The following PRRC1 variants were observed in gnomAD, a reference collection of about 807,000 sequenced individuals.
The protein encoded by PRRC1 is proline rich coiled-coil 1.
PRRC1 carries 39 observed loss-of-function variants against 40.7 expected under a neutral mutation model. The observed-to-expected ratio is 0.96, with a 90% CI of 0.74 to 1.25. The LOEUF (loss-of-function observed/expected upper bound fraction) is 1.25. Among genes scored for constraint, PRRC1 ranks in the 50% most tolerant of loss-of-function variants. The pLI is 0.00. For synonymous variants in PRRC1, 175 were observed against 193.3 expected, an observed-to-expected ratio of 0.91 and a Z score of 0.79; for missense variants, 573 against 548.3, an observed-to-expected ratio of 1.05 and a Z score of -0.45.
intron 7 of PRRC1, among the ~76,000 whole-genome samples, chr5:127,545,585 A>G (rs1253026357): frequency 4.2e-5 from 6 of 142,400 alleles, no homozygotes; most frequent in Admixed American, 2.2e-4. Flanking sequence ...GAATTGAACA[A>G]TGAGAACACA....
intron 6 of PRRC1, among the ~76,000 whole-genome samples, chr5:127,535,940 A>G (rs1385069780): frequency 6.6e-6 from 1 of 152,176 alleles, no homozygotes; most frequent in Non-Finnish European, 1.5e-5. Context: ...TAAATAGAAT[A>G]TGAAGCCCTT....
rs1464931680 is a variant in PRRC1, at chr5:127,553,275, A to G, written c.*1359A>G. On this transcript the variant is annotated 3_prime_UTR_variant, in exon 9 of 9. Transcript: ENST00000296666. ...TGTGTTAATGCCACTTCAAGTCATTATTTGGTTTCTGCTATTTTTTTACCT... is the reference window on the plus strand; with the variant it reads ...TGTGTTAATGCCACTTCAAGTCATTGTTTGGTTTCTGCTATTTTTTTACCT... 1.0e-6 allele frequency: 1 copy of G among 986,972 alleles called. No homozygotes were observed. The highest frequency in any genetic ancestry group is 1.7e-5 in the African/African-American group (1 of 57,236). The allele number at this position is 986,972 out of a possible 1,614,324, so 61.1% of individuals were successfully genotyped here.
intron 8 of PRRC1, chr5:127,548,280 T>TA (rs1768280727): frequency 9.1e-6 from 4 of 439,050 alleles, no homozygotes; most frequent in Non-Finnish European, 1.6e-5. Flanking sequence ...TTTCCACTGT[T>TA]ATCTCCATTT....
chr5:127,523,743 G>T, intron 2 of PRRC1, 161 bp downstream of exon 2: 1 of 441,508 alleles, frequency 2.3e-6, no homozygotes, highest in Non-Finnish European at 4.0e-6. Context: ...TAGAAAGAAA[G>T]TCTTGTGTAT....
Position 127,553,934 on chromosome 5 carries a change from C to T in PRRC1, c.*2018C>T, listed in dbSNP as rs1768458914. 6.5e-7 allele frequency: 1 copy of T among 1,533,102 alleles called. No individual in the cohort carries two copies. Among genetic ancestry groups the T allele is most frequent in the African/African-American group, 1.4e-5 (1 of 72,878 alleles). 95.0% of individuals were successfully genotyped at this position (1,533,102 alleles called of 1,614,324 possible). On this transcript the variant is annotated 3_prime_UTR_variant, in exon 9 of 9. Transcript: ENST00000296666. ...GTGGGTGAGGAAGATGAGAGATGGT[C>T]AGATGGAAGAGAGAAATACATGAAC...
intron 1 of PRRC1, among the ~76,000 whole-genome samples, chr5:127,522,861 C>T (rs893520174): frequency 1.2e-3 from 186 of 152,198 alleles, no homozygotes; most frequent in African/African-American, 4.0e-3. Context: ...ACCTTGAACT[C>T]CTGGGTTCAA....
At chr5:127,549,396 A>G (rs532830215) in intron 8 of PRRC1, 72 of 152,342 alleles carry the variant, frequency 4.7e-4, no homozygotes, top group African/African-American at 1.7e-3. Flanking sequence ...TATCCTGACC[A>G]TGAAAAATTT....
At chr5:127,542,419 T>C (rs1249774391) in intron 7 of PRRC1, among the ~76,000 whole-genome samples, 1 of 152,160 alleles carries the variant, frequency 6.6e-6, no homozygotes, top group Non-Finnish European at 1.5e-5. Flanking sequence ...GTTCAATTTC[T>C]GGGTATCCTT....
chr5:127,527,482 G>A (rs893021354), intron 4 of PRRC1, among the ~76,000 whole-genome samples: 3 of 152,004 alleles, frequency 2.0e-5, no homozygotes, highest in African/African-American at 7.3e-5. Context: ...GTCTGGCATG[G>A]TGCCTCATGC....
rs751936808 is a variant in PRRC1, at chr5:127,530,380, CA to C, written c.742del (p.Met248TrpfsTer14). ...ESMITTLDPG[M>X]APYIKSGGEL... ...GCATGATTACAACGCTGGACCCTGGCATGGCTCCCTATATCAGTATGTACAT... is the reference window on the plus strand; with the variant it reads ...GCATGATTACAACGCTGGACCCTGGCTGGCTCCCTATATCAGTATGTACAT... On this transcript the variant is annotated frameshift_variant, in exon 5 of 9. Coordinates refer to ENST00000296666, the MANE Select transcript of PRRC1 (RefSeq NM_130809.5). LOFTEE classifies it high-confidence loss of function. 7.4e-6 allele frequency: 12 copies of C among 1,613,410 alleles called. No individual in the cohort carries two copies. The highest frequency in any genetic ancestry group is 8.5e-6 in the Non-Finnish European group (10 of 1,179,538).
At chr5:127,530,252 T>C (rs773055946) in intron 4 of PRRC1, 42 bp from the exon 5 acceptor site, 2 of 1,544,238 alleles carry the variant, frequency 1.3e-6, no homozygotes, top group Non-Finnish European at 1.8e-6. Context: ...ATGGTGTTCC[T>C]CACTTAGAGT....
intron 1 of PRRC1, 63 bp from the exon 2 acceptor site, chr5:127,523,397 C>A: frequency 1.4e-6 from 1 of 709,220 alleles, no homozygotes; most frequent in South Asian, 3.0e-5. Flanking sequence ...GTTCTCTATT[C>A]AAGCTTTAAA....
intron 1 of PRRC1, among the ~76,000 whole-genome samples, chr5:127,518,903 T>A (rs1767386808): frequency 6.6e-6 from 1 of 152,202 alleles, no homozygotes; most frequent in African/African-American, 2.4e-5. Flanking sequence ...AGTTACCAAC[T>A]CTGACACTTC....
chr5:127,535,774 A>G (rs1767884935), intron 6 of PRRC1, among the ~76,000 whole-genome samples: 1 of 152,146 alleles, frequency 6.6e-6, no homozygotes, highest in South Asian at 2.1e-4. Flanking sequence ...GAATGAGGTA[A>G]TTGACATAGC....
At position 127,554,544 on chromosome 5, in the gene PRRC1, A is replaced by G. The variant is rs1768478239; in HGVS notation, c.*2628A>G. 1 of 152,200 alleles carries G rather than the reference A, an allele frequency of 6.6e-6. No individual in the cohort carries two copies. Among genetic ancestry groups the G allele is most frequent in the South Asian group, 2.1e-4 (1 of 4,832 alleles). The allele number at this position is 152,200 out of a possible 1,614,324, so 9.4% of individuals were successfully genotyped here. On this transcript the variant is annotated 3_prime_UTR_variant, in exon 9 of 9. Transcript: ENST00000296666. ...GTTGACAAGGTGCTCAGATTATTCA[A>G]TTCGGGATCCTCCTTTTGTTAGGTT...
intron 6 of PRRC1, among the ~76,000 whole-genome samples, chr5:127,534,677 T>A (rs1263556634): frequency 6.6e-6 from 1 of 152,230 alleles, no homozygotes; most frequent in Non-Finnish European, 1.5e-5. Flanking sequence ...CACCTTCTCA[T>A]CAATTCACTC....
intron 7 of PRRC1, among the ~76,000 whole-genome samples, 155 bp downstream of exon 7, chr5:127,539,298 G>A (rs1269577703): frequency 6.6e-6 from 1 of 152,048 alleles, no homozygotes; most frequent in African/African-American, 2.4e-5. Context: ...GTCCTGCATG[G>A]CTTAGCTGGC....
Position 127,554,372 on chromosome 5 carries a change from ATT to A in PRRC1, c.*2465_*2466del. The A allele has an allele frequency of 6.7e-6, 1 of 148,840 alleles. No individual in the cohort carries two copies. Among genetic ancestry groups the A allele is most frequent in the Non-Finnish European group, 1.5e-5 (1 of 67,070 alleles). The allele number at this position is 148,840 out of a possible 1,614,324, so 9.2% of individuals were successfully genotyped here. On this transcript the variant is annotated 3_prime_UTR_variant, in exon 9 of 9. Coordinates refer to ENST00000296666, the MANE Select transcript of PRRC1 (RefSeq NM_130809.5). ...TCACCACTGTTGGGGTTGTTTTGTG[ATT>A]TTTTTTTTCTTCCGAAGAACTCCTG...
chr5:127,519,382 G>A (rs1022796803), intron 1 of PRRC1, among the ~76,000 whole-genome samples: 5 of 152,288 alleles, frequency 3.3e-5, no homozygotes, highest in Middle Eastern at 3.4e-3. Context: ...AGTGTCATGC[G>A]TGTTAGTCTC....
Sources: allele counts gnomAD v4.1 joint callset (sites outside exome capture counted in the v4.1 genomes callset), GRCh38; gene constraint gnomAD v4.1.1; transcripts MANE v1.5; gene names NCBI Gene and HGNC (gene_info 2026-07-23, HGNC 2026-07-21).